The following URI1 variants were observed in gnomAD, a reference collection of about 807,000 sequenced individuals.
The protein encoded by URI1 is unconventional prefoldin RPB5 interactor 1.
A neutral mutation model predicts 60.2 loss-of-function variants in URI1; 39 were observed. The ratio of observed to expected loss-of-function variants is 0.65; its 90% CI spans 0.50 to 0.85. URI1 has a LOEUF of 0.85. Ranked by LOEUF, URI1 falls within the 40% of genes least tolerant of loss-of-function variation. The pLI is 0.00. For missense variants in URI1, 691 were observed against 665.9 expected (o/e 1.04, Z -0.42); for synonymous variants, 251 against 236.8 (o/e 1.06, Z -0.55).
chr19:29,936,756 C>A (rs192814055), intron 1 of URI1, among the ~76,000 whole-genome samples: 124 of 151,982 alleles, frequency 8.2e-4, no homozygotes, highest in African/African-American at 2.7e-3. Context: ...GTTCATTTTT[C>A]CTTTTCTTTT....
chr19:29,994,099 T>C (rs979887218), intron 4 of URI1, among the ~76,000 whole-genome samples: 5 of 152,090 alleles, frequency 3.3e-5, no homozygotes, highest in Non-Finnish European at 5.9e-5. Context: ...TTTGTACTTG[T>C]GTGTATCTGT....
At chr19:29,999,855 A>G (rs1275508301) in intron 4 of URI1, among the ~76,000 whole-genome samples, 3 of 151,980 alleles carry the variant, frequency 2.0e-5, no homozygotes, top group Non-Finnish European at 4.4e-5. Context: ...AGCAGCATTC[A>G]CTTATCCCTT....
intron 7 of URI1, among the ~76,000 whole-genome samples, 180 bp downstream of exon 7, chr19:30,007,818 T>C (rs936126931): frequency 3.3e-5 from 5 of 152,148 alleles, no homozygotes; most frequent in African/African-American, 1.2e-4. Flanking sequence ...TATTTTCTTA[T>C]AGGATTGTGT....
intron 1 of URI1, among the ~76,000 whole-genome samples, chr19:29,946,891 C>T (rs2055109356): frequency 6.6e-6 from 1 of 152,126 alleles, no homozygotes; most frequent in African/African-American, 2.4e-5. Context: ...TTCATGGTTA[C>T]ACTCTAGGGG....
intron 4 of URI1, among the ~76,000 whole-genome samples, chr19:29,990,663 A>G (rs1392694262): frequency 2.0e-5 from 3 of 152,222 alleles, no homozygotes; most frequent in Non-Finnish European, 4.4e-5. Flanking sequence ...TATTCAGAAA[A>G]GGTAAATTTA....
Position 29,942,251 on chromosome 19 carries a change from G to C in URI1, c.-297G>C, listed in dbSNP as rs1422923375. 1.0e-6 allele frequency: 1 copy of C among 984,568 alleles called. No homozygotes were observed. Among genetic ancestry groups the C allele is most frequent in the African/African-American group, 1.8e-5 (1 of 57,104 alleles). The allele number at this position is 984,568 out of a possible 1,614,324, so 61.0% of individuals were successfully genotyped here. A position where few individuals can be genotyped will look rare whatever the true frequency, so the allele number is the denominator to read the frequency against. ...CGAGAGGCGGGGCGTGTGGGGAGGC[G>C]CGGCCGCCACGCGACGCCTGGCTGG... On this transcript the variant is annotated 5_prime_UTR_variant, in exon 1 of 11. Transcript: ENST00000392271.
chr19:29,994,882 A>G (rs2055792169), intron 4 of URI1, among the ~76,000 whole-genome samples: 1 of 152,006 alleles, frequency 6.6e-6, no homozygotes, highest in South Asian at 2.1e-4. Flanking sequence ...CCCAGGTTCA[A>G]GAGCCTTCCT....
intron 4 of URI1, among the ~76,000 whole-genome samples, chr19:29,998,838 C>T (rs556947575): frequency 1.4e-4 from 22 of 151,894 alleles, no homozygotes; most frequent in Middle Eastern, 3.4e-3. Context: ...GAAAGACTTT[C>T]GCTGTTTTGT....
intron 4 of URI1, among the ~76,000 whole-genome samples, chr19:29,991,253 A>G (rs2055742360): frequency 6.6e-6 from 1 of 152,176 alleles, no homozygotes; most frequent in African/African-American, 2.4e-5. Context: ...CAGCCTGTAA[A>G]TACAGTGTAT....
chr19:29,949,526 G>A (rs565513926), intron 1 of URI1, among the ~76,000 whole-genome samples: 30 of 152,368 alleles, frequency 2.0e-4, no homozygotes, highest in African/African-American at 7.2e-4. Flanking sequence ...GGCAGAGGCT[G>A]CAATCTCGGC....
intron 1 of URI1, among the ~76,000 whole-genome samples, chr19:29,932,560 AC>A (rs1439035914): frequency 6.6e-6 from 1 of 150,774 alleles, no homozygotes; most frequent in Non-Finnish European, 1.5e-5. Context: ...CAGGTGATTC[AC>A]CTGCCTCGGC....
intron 1 of URI1, among the ~76,000 whole-genome samples, chr19:29,953,649 T>A (rs1417101007): frequency 2.0e-5 from 3 of 151,886 alleles, no homozygotes; most frequent in Admixed American, 1.3e-4. Context: ...ATTATCCTTC[T>A]GAGTGATTCC....
At chr19:29,987,579 G>A (rs911018526) in intron 4 of URI1, among the ~76,000 whole-genome samples, 12 of 152,248 alleles carry the variant, frequency 7.9e-5, no homozygotes, top group Admixed American at 6.5e-4. Context: ...TGAAGACGAA[G>A]CCTCTCTTTA....
intron 4 of URI1, among the ~76,000 whole-genome samples, chr19:30,002,550 T>A (rs570989963): frequency 6.5e-4 from 99 of 152,110 alleles, no homozygotes; most frequent in African/African-American, 2.4e-3. Flanking sequence ...GCTAAATAAA[T>A]AAAAACTATA....
chr19:29,953,607 C>T (rs991783826), intron 1 of URI1, among the ~76,000 whole-genome samples: 1 of 151,936 alleles, frequency 6.6e-6, no homozygotes, highest in Non-Finnish European at 1.5e-5. Context: ...ATGCAGTAGA[C>T]AATGGAAGGA....
intron 2 of URI1, among the ~76,000 whole-genome samples, chr19:29,974,303 T>TA (rs759521469): frequency 2.1e-4 from 31 of 147,170 alleles, no homozygotes; most frequent in East Asian, 1.8e-3. Context: ...GTCAGACAAA[T>TA]AAAAAAAAAA....
In URI1 at chr19:30,005,287, G is replaced by A. The variant is rs187933369; in HGVS notation, c.368-74G>A. On this transcript the variant is annotated intron_variant, in intron 4 of 10. Coordinates refer to ENST00000392271, the MANE Select transcript of URI1 (RefSeq NM_003796.3). ...GTTAAATCATACTTGTAGTGTGATA[G>A]GACTACAGTTAAAATATTCCTACAG... is the stretch of plus-strand genomic sequence containing the variant. 6.0e-3 allele frequency: 4,814 copies of A among 799,176 alleles called. 28 individuals carry two copies. Among genetic ancestry groups the A allele is most frequent in the Middle Eastern group, 0.02 (85 of 4,248 alleles). 49.5% of individuals were successfully genotyped at this position (799,176 alleles called of 1,614,324 possible). A position where few individuals can be genotyped will look rare whatever the true frequency, so the allele number is the denominator to read the frequency against.
intron 1 of URI1, among the ~76,000 whole-genome samples, chr19:29,937,130 T>A (rs2054980189): frequency 6.6e-6 from 1 of 152,248 alleles, no homozygotes; most frequent in Non-Finnish European, 1.5e-5. Flanking sequence ...TGGTTCTTTC[T>A]TCTTCCTGAT....
At chr19:29,928,422 G>T (rs914096596) in intron 1 of URI1, among the ~76,000 whole-genome samples, 1 of 152,130 alleles carries the variant, frequency 6.6e-6, no homozygotes. Context: ...AGTCTGGGCC[G>T]ATGTCACGAA....
Sources: gnomAD v4.1 joint callset for allele counts (sites outside exome capture counted in the v4.1 genomes callset) on GRCh38, gnomAD v4.1.1 for gene constraint, MANE v1.5 for transcripts, NCBI Gene and HGNC (gene_info 2026-07-23, HGNC 2026-07-21) for gene names.